ABHD3: variants seen among roughly 807,000 people sequenced by gnomAD.
The protein encoded by ABHD3 is phospholipase ABHD3.
In ABHD3, 46 loss-of-function variants were observed where a neutral mutation model predicts 48.8. The observed-to-expected ratio is 0.94, with a 90% CI of 0.74 to 1.20. ABHD3 has a LOEUF of 1.20. Among genes scored for constraint, ABHD3 ranks in the 50% most tolerant of loss-of-function variants. ABHD3 has a pLI of 0.00. For synonymous variants in ABHD3, 192 were observed against 183.7 expected (o/e 1.04, Z -0.36); for missense variants, 490 against 497.8 (o/e 0.98, Z 0.15).
At chr18:21,697,509 A>G (rs1308534360) in intron 3 of ABHD3, among the ~76,000 whole-genome samples, 1 of 152,072 alleles carries the variant, frequency 6.6e-6, no homozygotes, top group African/African-American at 2.4e-5. Flanking sequence ...CCTCCCAAGT[A>G]GCTGGAATTA....
At chr18:21,700,088 TTTTA>T (rs1435444397) in intron 3 of ABHD3, among the ~76,000 whole-genome samples, 15 of 146,512 alleles carry the variant, frequency 1.0e-4, no homozygotes, top group African/African-American at 3.9e-4. Flanking sequence ...ATTTATTTAT[TTTTA>T]TTTATTTATT....
intron 1 of ABHD3, among the ~76,000 whole-genome samples, 167 bp downstream of exon 1, chr18:21,704,337 G>C (rs2040586590): frequency 6.6e-6 from 1 of 151,972 alleles, no homozygotes. Context: ...CGGGCGAACG[G>C]GCGGGGCCTG....
intron 3 of ABHD3, among the ~76,000 whole-genome samples, chr18:21,686,200 C>T (rs1320024629): frequency 2.0e-5 from 3 of 152,222 alleles, no homozygotes; most frequent in Non-Finnish European, 2.9e-5. Flanking sequence ...GTCTCAGTGA[C>T]TCCTTTATCT....
intron 8 of ABHD3, among the ~76,000 whole-genome samples, chr18:21,656,064 G>A (rs1053521327): frequency 2.0e-5 from 3 of 152,002 alleles, no homozygotes; most frequent in African/African-American, 7.3e-5. Context: ...GCTGAGGAGG[G>A]AGAATTGCTT....
chr18:21,701,373 C>T (rs1392397792), intron 3 of ABHD3: 4 of 152,068 alleles, frequency 2.6e-5, no homozygotes, highest in African/African-American at 7.3e-5. Flanking sequence ...GCCACCATGC[C>T]CTGCTAATTT....
rs2039219525 is a variant in ABHD3, at chr18:21,651,490, G to T, written c.*101C>A. ...TCATTCTGGACCTCTTCACCCATCT[G>T]CTGGCTTATTTGCTTTATATACAAC... On this transcript the variant is annotated 3_prime_UTR_variant, in exon 9 of 9. Transcript: ENST00000289119. 5 of 1,379,836 alleles carry T rather than the reference G, an allele frequency of 3.6e-6. No homozygotes were observed. Among genetic ancestry groups the T allele is most frequent in the Non-Finnish European group, 4.0e-6 (4 of 1,010,672 alleles). The allele number at this position is 1,379,836 out of a possible 1,614,324, so 85.5% of individuals were successfully genotyped here. A position where few individuals can be genotyped will look rare whatever the true frequency, so the allele number is the denominator to read the frequency against.
At chr18:21,667,585 A>G (rs1248074739) in intron 4 of ABHD3, among the ~76,000 whole-genome samples, 1 of 152,146 alleles carries the variant, frequency 6.6e-6, no homozygotes, top group Non-Finnish European at 1.5e-5. Context: ...ACTCATCCCT[A>G]AAACACAGCC....
intron 3 of ABHD3, among the ~76,000 whole-genome samples, chr18:21,688,628 T>C (rs940293007): frequency 1.3e-5 from 2 of 152,110 alleles, no homozygotes; most frequent in Non-Finnish European, 2.9e-5. Context: ...GTTGAGTGAC[T>C]ACAACAAAAA....
chr18:21,696,213 GGCTCACTGCAA>G (rs1398961643), intron 3 of ABHD3, among the ~76,000 whole-genome samples: 2 of 149,148 alleles, frequency 1.3e-5, no homozygotes, highest in African/African-American at 4.9e-5. Context: ...GCGCGATCTC[GGCTCACTGCAA>G]GCTCTGCCTC....
At chr18:21,683,557 GGAAAA>G (rs751288880) in intron 4 of ABHD3, 2 of 509,170 alleles carry the variant, frequency 3.9e-6, no homozygotes, top group African/African-American at 4.0e-5. Context: ...CCCAGAGTCA[GGAAAA>G]GCTGGGTTGA....
At position 21,653,476 on chromosome 18, in the gene ABHD3, A is replaced by G. The variant is rs577617894; in HGVS notation, c.1058-1713T>C. Among the ~76,000 whole-genome samples the G allele has an allele frequency of 2.8e-4, 43 of 151,822 alleles. 1 individual carries two copies. The highest frequency in any genetic ancestry group is 6.3e-4 in the South Asian group (3 of 4,794). On this transcript the variant is annotated intron_variant, in intron 8 of 8. Coordinates refer to ENST00000289119, the MANE Select transcript of ABHD3 (RefSeq NM_138340.5). ...GTATAACCTTTAAAAGATATGAATT[A>G]AAGTTTTTTTTTTCTCCCATGCTTA...
intron 3 of ABHD3, among the ~76,000 whole-genome samples, chr18:21,685,977 C>T (rs940710353): frequency 1.3e-5 from 2 of 152,204 alleles, no homozygotes; most frequent in Non-Finnish European, 2.9e-5. Context: ...GGATTACAGG[C>T]GTGAGCCACC....
chr18:21,679,513 CTTTT>C (rs1206251002), intron 4 of ABHD3, among the ~76,000 whole-genome samples: 2 of 152,174 alleles, frequency 1.3e-5, no homozygotes, highest in Admixed American at 6.5e-5. Flanking sequence ...TTATAAAAAA[CTTTT>C]TTTAATTTTA....
chr18:21,675,813 G>A (rs1009012000), intron 4 of ABHD3, among the ~76,000 whole-genome samples: 6 of 152,116 alleles, frequency 3.9e-5, no homozygotes, highest in South Asian at 4.1e-4. Context: ...TTTACAGGCC[G>A]TGGACCTGGT....
chr18:21,656,158 A>G (rs1048567721), intron 8 of ABHD3, among the ~76,000 whole-genome samples: 1 of 152,184 alleles, frequency 6.6e-6, no homozygotes, highest in South Asian at 2.1e-4. Context: ...AGAAAGCAGG[A>G]AAGTTTATTT....
In ABHD3 at chr18:21,702,317, T is replaced by C; in HGVS notation, c.508A>G (p.Arg170Gly). 1 of 1,580,906 alleles carries C rather than the reference T, an allele frequency of 6.3e-7. No homozygotes were observed. Among genetic ancestry groups the C allele is most frequent in the Non-Finnish European group, 8.6e-7 (1 of 1,160,672 alleles). ...MIHLSEELGY[R>G]CVVFNNRGVA... ...AAAAAAGAAATCTTTTACTGGTACC[T>C]GTATCCTAATTCTTCACTAAGATGG... is the stretch of plus-strand genomic sequence containing the variant. The change falls in exon 3 of 9, where the codon AGA (arginine) becomes GGA (glycine). Residue 170 changes from arginine to glycine, a missense_variant and splice_region_variant. Coordinates refer to ENST00000289119, the MANE Select transcript of ABHD3 (RefSeq NM_138340.5).
chr18:21,677,313 A>G (rs557165445), intron 4 of ABHD3, among the ~76,000 whole-genome samples: 514 of 149,118 alleles, frequency 3.4e-3, no homozygotes, highest in Non-Finnish European at 5.7e-3. Flanking sequence ...TCCTGCCTCA[A>G]CCTCCCAAGT....
At chr18:21,687,915 A>C (rs1420272507) in intron 3 of ABHD3, among the ~76,000 whole-genome samples, 1 of 152,246 alleles carries the variant, frequency 6.6e-6, no homozygotes, top group Non-Finnish European at 1.5e-5. Flanking sequence ...TCTACCAACT[A>C]GATGCCAGTA....
At chr18:21,695,652 C>T (rs2040353525) in intron 3 of ABHD3, among the ~76,000 whole-genome samples, 1 of 150,106 alleles carries the variant, frequency 6.7e-6, no homozygotes. Context: ...ACCACAATTA[C>T]TTTTGCACCA....
Sources: allele counts gnomAD v4.1 joint callset (sites outside exome capture counted in the v4.1 genomes callset), GRCh38; gene constraint gnomAD v4.1.1; transcripts MANE v1.5; gene names NCBI Gene and HGNC (gene_info 2026-07-23, HGNC 2026-07-21).